YES1: variants seen among roughly 807,000 people sequenced by gnomAD.
The protein encoded by YES1 is tyrosine-protein kinase Yes.
YES1 carries 39 observed loss-of-function variants against 70.4 expected under a neutral mutation model. The ratio of observed to expected loss-of-function variants is 0.55; its 90% CI spans 0.43 to 0.72. The LOEUF (loss-of-function observed/expected upper bound fraction) is 0.72, where lower values mean the gene tolerates loss of function less well. Ranked by LOEUF, YES1 falls within the 30% of genes least tolerant of loss-of-function variation. The probability of loss-of-function intolerance (pLI) is 0.00; values close to 1 mark genes in which losing one functional copy is unlikely to be tolerated. For missense variants in YES1, 495 were observed against 644.8 expected (o/e 0.77, Z 2.52); for synonymous variants, 198 against 218.6 (o/e 0.91, Z 0.83).
intron 1 of YES1, among the ~76,000 whole-genome samples, chr18:773,327 C>T (rs1318438183): frequency 6.6e-6 from 1 of 152,220 alleles, no homozygotes; most frequent in Non-Finnish European, 1.5e-5. Context: ...ACCTGAACTA[C>T]TTTCATCTTC....
In YES1 at chr18:777,806, T is replaced by TAA. The variant is rs35073440; in HGVS notation, c.-8-20973_-8-20972dup. On this transcript the variant is annotated intron_variant, in intron 1 of 11. Transcript: ENST00000314574. ...TGGACAACAGAGTGAGACTCTGGCT[T>TAA]AAAAAAAAAAAAAAAAAAAATTAAA... Among the ~76,000 whole-genome samples the TAA allele has an allele frequency of 7.4e-3, 950 of 129,246 alleles. 9 individuals carry two copies. The highest frequency in any genetic ancestry group is 0.026 in the African/African-American group (905 of 34,358). The allele number at this position is 129,246 out of a possible 152,430, so 84.8% of individuals were successfully genotyped here. A position where few individuals can be genotyped will look rare whatever the true frequency, so the allele number is the denominator to read the frequency against.
chr18:750,566 T>C (rs1396760161), intron 3 of YES1, among the ~76,000 whole-genome samples: 1 of 152,176 alleles, frequency 6.6e-6, no homozygotes, highest in East Asian at 1.9e-4. Context: ...CCCTGGGTGA[T>C]TCTGTCCCAG....
chr18:783,568 CCCTACCCCCAACAGATTTTT>C (rs1468243766), intron 1 of YES1, among the ~76,000 whole-genome samples: 1 of 151,880 alleles, frequency 6.6e-6, no homozygotes, highest in African/African-American at 2.4e-5. Flanking sequence ...GCTTCCCATT[CCCTACCCCCAACAGATTTTT>C]CTAAGCTTCT....
intron 1 of YES1, among the ~76,000 whole-genome samples, chr18:810,370 A>C (rs1471779359): frequency 6.6e-6 from 1 of 152,302 alleles, no homozygotes; most frequent in South Asian, 2.1e-4. Context: ...CACACACACA[A>C]AAACAGCCCA....
intron 1 of YES1, among the ~76,000 whole-genome samples, chr18:790,735 G>A (rs972500090): frequency 1.1e-4 from 17 of 152,104 alleles, no homozygotes; most frequent in African/African-American, 3.9e-4. Context: ...AAAGATAGGA[G>A]ACCTAAATAA....
intron 1 of YES1, among the ~76,000 whole-genome samples, chr18:774,092 A>C (rs571765760): frequency 6.6e-6 from 1 of 152,042 alleles, no homozygotes; most frequent in Non-Finnish European, 1.5e-5. Flanking sequence ...TGGCCTCCCA[A>C]AGTGCTGGGA....
intron 1 of YES1, among the ~76,000 whole-genome samples, chr18:773,855 G>C (rs549132833): frequency 6.7e-6 from 1 of 150,230 alleles, no homozygotes; most frequent in Non-Finnish European, 1.5e-5. Context: ...TTTTTGAGAC[G>C]GAATCTTGCT....
At chr18:771,738 T>G (rs890780425) in intron 1 of YES1, among the ~76,000 whole-genome samples, 1 of 152,102 alleles carries the variant, frequency 6.6e-6, no homozygotes, top group Admixed American at 6.6e-5. Context: ...TTTGTAGAGA[T>G]AGGGCTTTGT....
At chr18:806,492 G>A (rs1598951163) in intron 1 of YES1, among the ~76,000 whole-genome samples, 1 of 152,194 alleles carries the variant, frequency 6.6e-6, no homozygotes, top group African/African-American at 2.4e-5. Flanking sequence ...GTACTCAAAA[G>A]ATTTGTTTTG....
chr18:757,275 G>C (rs963545526), intron 1 of YES1, among the ~76,000 whole-genome samples: 2 of 152,020 alleles, frequency 1.3e-5, no homozygotes, highest in African/African-American at 4.8e-5. Flanking sequence ...AGGCCAAGGC[G>C]GGCGGATCAC....
At chr18:733,574 G>A (rs1055549296) in intron 10 of YES1, among the ~76,000 whole-genome samples, 2 of 151,656 alleles carry the variant, frequency 1.3e-5, no homozygotes, top group Non-Finnish European at 2.9e-5. Flanking sequence ...ATGAGGTCAG[G>A]AGATTGAGAC....
chr18:730,133 C>T (rs562570692), intron 11 of YES1, among the ~76,000 whole-genome samples: 41 of 152,234 alleles, frequency 2.7e-4, no homozygotes, highest in South Asian at 6.2e-4. Flanking sequence ...TTTGCCCTTT[C>T]TCCTAGGGTA....
Position 756,688 on chromosome 18 carries a change from G to C in YES1, c.140C>G (p.Ala47Gly). 1 of 1,614,170 alleles carries C rather than the reference G, an allele frequency of 6.2e-7. No homozygotes were observed. Residue 47 changes from alanine (A) to glycine (G), a missense_variant, in exon 2 of 12, where the codon GCA becomes GGA. Ala to Gly is a moderately conservative substitution (Grantham distance 60). Coordinates refer to ENST00000314574, the MANE Select transcript of YES1 (RefSeq NM_005433.4). The stretch of plus-strand genomic sequence containing the variant: ...GCTGAAATTAACTGCTGTTCCCTTT[G>C]CTGAAGATGACGGACATGGTGACAC... Reference protein sequence around the residue: ...TTVSPCPSSSAKGTAVNFSSL... With the variant: ...TTVSPCPSSSGKGTAVNFSSL...
chr18:782,534 T>C (rs1905725066), intron 1 of YES1, among the ~76,000 whole-genome samples: 1 of 152,200 alleles, frequency 6.6e-6, no homozygotes, highest in African/African-American at 2.4e-5. Context: ...TATTAACATT[T>C]CAAGAGAATT....
At chr18:738,114 A>C (rs2080173618) in intron 9 of YES1, 1 of 152,030 alleles carries the variant, frequency 6.6e-6, no homozygotes, top group African/African-American at 2.4e-5. Flanking sequence ...ACTCAGAAGC[A>C]TGAACTGGCG....
intron 1 of YES1, among the ~76,000 whole-genome samples, chr18:792,928 A>C (rs1906343859): frequency 6.6e-6 from 1 of 152,154 alleles, no homozygotes; most frequent in African/African-American, 2.4e-5. Context: ...CTAAAAATAG[A>C]GGAATCCTTC....
intron 2 of YES1, among the ~76,000 whole-genome samples, chr18:754,712 C>CAAA (rs35530008): frequency 1.5e-5 from 2 of 135,284 alleles, no homozygotes; most frequent in African/African-American, 2.8e-5. Flanking sequence ...ACTCCAACTC[C>CAAA]AAAAAAAAAA....
chr18:743,001 T>G lies in YES1; in HGVS notation c.977A>C (p.Lys326Thr). ...TGGAACAAGTTTATCATGTCTTAAT[T>G]TTTTCATTATCTGAGCTTCTTGAAG... ...AFLQEAQIMKKLRHDKLVPLY... is the reference protein window; with the variant it reads ...AFLQEAQIMKTLRHDKLVPLY... Residue 326 changes from lysine (K) to threonine (T), a missense_variant, in exon 8 of 12, where the codon AAA becomes ACA. This residue lies in a region of YES1 where 385 missense variants were observed against 540.9 expected (regional missense o/e 0.71). Coordinates refer to ENST00000314574, the MANE Select transcript of YES1 (RefSeq NM_005433.4). The G allele has an allele frequency of 6.2e-7, 1 of 1,612,068 alleles. No individual in the cohort carries two copies. Among genetic ancestry groups the G allele is most frequent in the South Asian group, 1.1e-5 (1 of 90,204 alleles).
rs201294724 is a variant in YES1 at position 756,603 on chromosome 18, A to C, written c.225T>G (p.Ser75=). The C allele has an allele frequency of 1.4e-5, 22 of 1,614,162 alleles. No homozygotes were observed. Among genetic ancestry groups the C allele is most frequent in the Middle Eastern group, 3.3e-4 (2 of 6,062 alleles). ...SSGVTPFGGA[S]SSFSVVPSSY... is the part of the protein sequence containing the mutation. ...AACTTGGCACCACTGAAAATGAGGAAGATGCACCTCCAAAAGGCGTTACCC... is the reference window on the plus strand; with the variant it reads ...AACTTGGCACCACTGAAAATGAGGACGATGCACCTCCAAAAGGCGTTACCC... Residue 75 remains serine, a synonymous_variant, in exon 2 of 12, where the codon TCT becomes TCG. Transcript: ENST00000314574.
Sources: gnomAD v4.1 joint callset for allele counts (sites outside exome capture counted in the v4.1 genomes callset) on GRCh38, gnomAD v4.1.1 for gene constraint, gnomAD v4.1.1 regional missense constraint, MANE v1.5 for transcripts, NCBI Gene and HGNC (gene_info 2026-07-23, HGNC 2026-07-21) for gene names.